EVPLL: variants seen among roughly 807,000 people sequenced by gnomAD.
EVPLL encodes envoplakin like, also known as envoplakin-like protein.
EVPLL carries 39 observed loss-of-function variants against 46.2 expected under a neutral mutation model. That is an observed-to-expected ratio of 0.84 (90% CI 0.65 to 1.10). EVPLL has a LOEUF of 1.10. Ranked by LOEUF, EVPLL falls within the 50% of genes least tolerant of loss-of-function variation. EVPLL has a pLI of 0.00. For missense variants in EVPLL, 385 were observed against 412.6 expected, an observed-to-expected ratio of 0.93 and a Z score of 0.58; for synonymous variants, 156 against 165.8, an observed-to-expected ratio of 0.94 and a Z score of 0.46.
At position 18,387,090 on chromosome 17, in the gene EVPLL, G is replaced by A. The variant is rs911802541; in HGVS notation, c.877-1129G>A. 2.5e-4 allele frequency among the ~76,000 whole-genome samples: 37 copies of A among 150,082 alleles called. 1 individual carries two copies. Among genetic ancestry groups the A allele is most frequent in the Admixed American group, 6.0e-4 (9 of 15,038 alleles). ...TTTTTTTTGTATTTTTAGTAGAGAC[G>A]GGCTTTCACCATGTTAGCCAGGATG... On this transcript the variant is annotated intron_variant, in intron 9 of 10. Transcript: ENST00000399134.
At chr17:18,387,845 A>C (rs1288147624) in intron 9 of EVPLL, 1 of 152,472 alleles carries the variant, frequency 6.6e-6, no homozygotes, top group Non-Finnish European at 1.5e-5. Context: ...TCCTGTCTCT[A>C]CAAGAAACCA....
In EVPLL at chr17:18,381,156, A is replaced by T. The variant is rs1987556113; in HGVS notation, c.63+156A>T. The T allele has an allele frequency of 8.4e-7, 1 of 1,184,112 alleles. No homozygotes were observed. The highest frequency in any genetic ancestry group is 1.2e-6 in the Non-Finnish European group (1 of 844,266). The allele number at this position is 1,184,112 out of a possible 1,614,324, so 73.4% of individuals were successfully genotyped here. The stretch of plus-strand genomic sequence containing the variant: ...CGCCTGTCCCCTAACACACGGTGGG[A>T]GAGAGGGCTCAACTTCCTTCTTTGC... On this transcript the variant is annotated intron_variant, in intron 2 of 10. Coordinates refer to ENST00000399134, the MANE Select transcript of EVPLL (RefSeq NM_001145127.2). This position sits in a 1 kb window ranked among gnomAD's most constrained non-coding sequence, Gnocchi z 4.2.
intron 9 of EVPLL, among the ~76,000 whole-genome samples, chr17:18,383,905 G>A (rs187371472): frequency 2.6e-5 from 4 of 152,196 alleles, no homozygotes; most frequent in Admixed American, 1.3e-4. Flanking sequence ...CCCAGGAGGC[G>A]GAGGTTGCAG....
chr17:18,381,780 C>T lies in EVPLL; in HGVS notation c.346+50C>T. ...AGTGTGATCAGAGGGTGATACGGAA[C>T]TGCATTTAACCCAGGGCCTGACTGT... is the stretch of plus-strand genomic sequence containing the variant. On this transcript the variant is annotated intron_variant, in intron 4 of 10. Coordinates refer to ENST00000399134, the MANE Select transcript of EVPLL (RefSeq NM_001145127.2). The surrounding 1 kb of genome is among the most constrained non-coding windows in gnomAD (Gnocchi z 4.2). 1 of 1,612,890 alleles carries T rather than the reference C, an allele frequency of 6.2e-7. No homozygotes were observed.
Position 18,382,831 on chromosome 17 carries a change from C to A in EVPLL, c.478C>A (p.Arg160Ser), listed in dbSNP as rs749394403. 6.0e-5 allele frequency: 97 copies of A among 1,613,126 alleles called. No homozygotes were observed. Among genetic ancestry groups the A allele is most frequent in the Non-Finnish European group, 8.0e-5 (94 of 1,179,712 alleles). The change falls in exon 6 of 11, where the codon CGC becomes AGC. Residue 160 changes from arginine (R) to serine (S), a missense_variant. Transcript: ENST00000399134. ...TCTCCCCTTGGTCAAGGCAGGATGCCGCCACCATCCGGAGCCAATACCGAG... is the reference window on the plus strand; with the variant it reads ...TCTCCCCTTGGTCAAGGCAGGATGCAGCCACCATCCGGAGCCAATACCGAG... ...AAAEPGGAGC[R>S]HHPEPIPRPT...
chr17:18,377,792 A>C lies in EVPLL; in HGVS notation c.-228A>C, dbSNP rs1598092402. 2 of 573,756 alleles carry C rather than the reference A, an allele frequency of 3.5e-6. No individual in the cohort carries two copies. Among genetic ancestry groups the C allele is most frequent in the Non-Finnish European group, 6.1e-6 (2 of 330,042 alleles). 35.5% of individuals were successfully genotyped at this position (573,756 alleles called of 1,614,324 possible). On this transcript the variant is annotated 5_prime_UTR_variant, in exon 1 of 11. Coordinates refer to ENST00000399134, the MANE Select transcript of EVPLL (RefSeq NM_001145127.2). ...CGCCCCACCTTGCCAGACTTAGCTG[A>C]CCAGCCAGCAAGGACGCCCGCTGCC...
rs1428827136 is a variant in EVPLL at position 18,383,322 on chromosome 17, G to T, written c.724G>T (p.Glu242Ter). ...LSQEQSVNQLEEDGKRMVELR... is the reference protein window; with the variant it reads ...LSQEQSVNQL The stretch of plus-strand genomic sequence containing the variant: ...CCAGGAGCAGAGCGTAAACCAGCTG[G>T]AGGAGGACGGCAAGCGCATGGTGGA... The change falls in exon 8 of 11, where the codon GAG becomes TAG. Residue 242 changes from glutamate (E) to a stop codon, truncating the protein, a stop_gained. Coordinates refer to ENST00000399134, the MANE Select transcript of EVPLL (RefSeq NM_001145127.2). LOFTEE classifies it high-confidence loss of function. 2 of 1,605,872 alleles carry T rather than the reference G, an allele frequency of 1.2e-6. No individual in the cohort carries two copies. Among genetic ancestry groups the T allele is most frequent in the South Asian group, 1.1e-5 (1 of 89,588 alleles).
intron 1 of EVPLL, among the ~76,000 whole-genome samples, chr17:18,378,990 G>A (rs1987473610): frequency 1.3e-5 from 2 of 152,118 alleles, no homozygotes; most frequent in African/African-American, 2.4e-5. Flanking sequence ...TGAGGTGAGA[G>A]GATCACTTGA....
intron 9 of EVPLL, among the ~76,000 whole-genome samples, chr17:18,384,709 G>C (rs1987711663): frequency 6.6e-6 from 1 of 152,232 alleles, no homozygotes; most frequent in Non-Finnish European, 1.5e-5. Flanking sequence ...TCTAGCCTGG[G>C]TGACAGAGCA....
rs781611618 is a variant in EVPLL, at chr17:18,382,593, G to C, written c.427G>C (p.Gly143Arg). ...TDRGAQHRAE[G>R]DQRPRRAAAE... Reference sequence around the variant, plus strand: ...TCGCGGAGCTCAACATCGTGCAGAAGGAGATCAACGACCAAGGAGAGCAGC... The same window carrying C: ...TCGCGGAGCTCAACATCGTGCAGAACGAGATCAACGACCAAGGAGAGCAGC... The change falls in exon 5 of 11, where the codon GGA (glycine) becomes CGA (arginine). Residue 143 changes from glycine (G) to arginine (R), a missense_variant. Transcript: ENST00000399134. 4 of 1,551,790 alleles carry C rather than the reference G, an allele frequency of 2.6e-6. No homozygotes were observed. The African/African-American group carries it at 4.1e-5, about 16-fold the overall frequency.
Position 18,383,231 on chromosome 17 carries a change from C to T in EVPLL, c.673-40C>T, listed in dbSNP as rs1346011179. On this transcript the variant is annotated intron_variant, in intron 7 of 10. Coordinates refer to ENST00000399134, the MANE Select transcript of EVPLL (RefSeq NM_001145127.2). The stretch of plus-strand genomic sequence containing the variant: ...GCCAGGCGGGGGCGACCAGGGCCAT[C>T]CTGGTCCTCACCGCCGCTCCCCACC... 16 of 1,551,484 alleles carry T rather than the reference C, an allele frequency of 1.0e-5. No individual in the cohort carries two copies. The East Asian group carries it at 3.6e-4, about 35-fold the overall frequency.
At chr17:18,384,158 A>AT (rs894222280) in intron 9 of EVPLL, among the ~76,000 whole-genome samples, 5 of 151,794 alleles carry the variant, frequency 3.3e-5, no homozygotes, top group Non-Finnish European at 7.4e-5. Flanking sequence ...TGTATACAGC[A>AT]TATCTGTGGT....
intron 4 of EVPLL, 28 bp from the exon 5 acceptor site, chr17:18,382,485 G>C: frequency 1.3e-6 from 2 of 1,551,110 alleles, no homozygotes; most frequent in Non-Finnish European, 1.7e-6. Flanking sequence ...CTGGTCCTGT[G>C]GTGACTGAGC....
In EVPLL at chr17:18,381,347, T is replaced by C. The variant is rs1482185772; in HGVS notation, c.64-20T>C. On this transcript the variant is annotated intron_variant, in intron 2 of 10. Transcript: ENST00000399134. The surrounding 1 kb of genome is among the most constrained non-coding windows in gnomAD (Gnocchi z 4.2). ...TGGGGGCTCTGGACCCTGGCAAGTC[T>C]GCCCATCCCCTGCCCACAGGACCGG... 1 of 1,534,344 alleles carries C rather than the reference T, an allele frequency of 6.5e-7. No individual in the cohort carries two copies. Among genetic ancestry groups the C allele is most frequent in the Non-Finnish European group, 8.8e-7 (1 of 1,136,430 alleles).
chr17:18,388,317 A>G (rs1446265460), intron 10 of EVPLL, 29 bp downstream of exon 10: 4 of 1,042,998 alleles, frequency 3.8e-6, no homozygotes, highest in Non-Finnish European at 5.8e-6. Context: ...AGAAACTAGC[A>G]AAGGGTCTTC....
chr17:18,382,171 G>A lies in EVPLL; in HGVS notation c.347-342G>A, dbSNP rs1336906344. The A allele has an allele frequency of 1.2e-5, 4 of 347,680 alleles. No individual in the cohort carries two copies. In the Admixed American group the frequency reaches 1.2e-4, roughly 10 times the overall value. The allele number at this position is 347,680 out of a possible 1,614,324, so 21.5% of individuals were successfully genotyped here. A position where few individuals can be genotyped will look rare whatever the true frequency, so the allele number is the denominator to read the frequency against. ...TGGGGAAGGGCCCGGGTGCAGCAGG[G>A]CGTTCTGAGGGCCCTAGAGCTTGGC... On this transcript the variant is annotated intron_variant, in intron 4 of 10. Transcript: ENST00000399134.
Position 18,388,245 on chromosome 17 carries a change from T to G in EVPLL, c.903T>G (p.His301Gln). 2 of 1,451,900 alleles carry G rather than the reference T, an allele frequency of 1.4e-6. No homozygotes were observed. Among genetic ancestry groups the G allele is most frequent in the Non-Finnish European group, 1.9e-6 (2 of 1,060,628 alleles). 89.9% of individuals were successfully genotyped at this position (1,451,900 alleles called of 1,614,324 possible). A position where few individuals can be genotyped will look rare whatever the true frequency, so the allele number is the denominator to read the frequency against. ...TTCTGTGTCCATCTTCCTCTCCTCA[T>G]TGACTCTGCATGAAGGGGATTTCTG... ...SRILCPSSSP[H>Q] is the part of the protein sequence containing the mutation. Residue 301 changes from histidine (H) to glutamine (Q), a missense_variant, in exon 10 of 11, where the codon CAT (histidine) becomes CAG (glutamine). Physicochemically the swap from His to Gln is conservative, Grantham distance 24 (BLOSUM62 0). Transcript: ENST00000399134.
Position 18,377,885 on chromosome 17 carries a change from C to A in EVPLL, c.-135C>A. The A allele has an allele frequency of 9.3e-7, 1 of 1,077,760 alleles. No homozygotes were observed. Among genetic ancestry groups the A allele is most frequent in the South Asian group, 1.5e-5 (1 of 65,014 alleles). 66.8% of individuals were successfully genotyped at this position (1,077,760 alleles called of 1,614,324 possible). On this transcript the variant is annotated 5_prime_UTR_variant, in exon 1 of 11. Transcript: ENST00000399134. Reference sequence around the variant, plus strand: ...CTGAGCCAGCACCTGCCTTTATGACCATGTTCAAGGGACTGAGCAAAGGCT... The same window carrying A: ...CTGAGCCAGCACCTGCCTTTATGACAATGTTCAAGGGACTGAGCAAAGGCT...
At position 18,381,032 on chromosome 17, in the gene EVPLL, G is replaced by A. The variant is rs1987550101; in HGVS notation, c.63+32G>A. 2.6e-6 allele frequency: 4 copies of A among 1,557,158 alleles called. No individual in the cohort carries two copies. The Admixed American group carries it at 7.7e-5, about 30-fold the overall frequency. ...ACCCGGCAGCAGTTGGCAGGGTGTG[G>A]GCAGGCTGGGTGGCATGGGAGGCCC... On this transcript the variant is annotated intron_variant, in intron 2 of 10. Transcript: ENST00000399134. This position sits in a 1 kb window ranked among gnomAD's most constrained non-coding sequence, Gnocchi z 4.2.
Sources: gnomAD v4.1 joint callset for allele counts (sites outside exome capture counted in the v4.1 genomes callset) on GRCh38, gnomAD v4.1.1 for gene constraint, Gnocchi (gnomAD v3.1) non-coding constraint, MANE v1.5 for transcripts, NCBI Gene and HGNC (gene_info 2026-07-23, HGNC 2026-07-21) for gene names.